The following CAMKMT variants were observed in gnomAD, a reference collection of about 807,000 sequenced individuals.
CAMKMT encodes the protein calmodulin-lysine N-methyltransferase.
CAMKMT carries 53 observed loss-of-function variants against 48.0 expected under a neutral mutation model. The ratio of observed to expected loss-of-function variants is 1.10; its 90% CI spans 0.89 to 1.39. The LOEUF (loss-of-function observed/expected upper bound fraction) is 1.39. Ranked by LOEUF, CAMKMT falls within the 40% of genes most tolerant of loss-of-function variation. CAMKMT has a pLI of 0.00. For missense variants in CAMKMT, 428 were observed against 402.7 expected (o/e 1.06, Z -0.54); for synonymous variants, 165 against 152.3 (o/e 1.08, Z -0.61).
At chr2:44,580,735 A>G (rs960635308) in intron 3 of CAMKMT, among the ~76,000 whole-genome samples, 1 of 152,214 alleles carries the variant, frequency 6.6e-6, no homozygotes, top group African/African-American at 2.4e-5. Context: ...CAGTATCATC[A>G]TGAATGTTGT....
At chr2:44,696,366 G>A (rs531494094) in intron 3 of CAMKMT, among the ~76,000 whole-genome samples, 1 of 152,314 alleles carries the variant, frequency 6.6e-6, no homozygotes, top group East Asian at 1.9e-4. Context: ...GAGTGGAGGA[G>A]TCCTAGAACT....
intron 3 of CAMKMT, among the ~76,000 whole-genome samples, chr2:44,634,990 T>G (rs143796118): frequency 1.3e-5 from 2 of 152,274 alleles, no homozygotes; most frequent in East Asian, 3.9e-4. Flanking sequence ...GGAGGATCGC[T>G]TGAGCCTGGG....
intron 3 of CAMKMT, among the ~76,000 whole-genome samples, chr2:44,420,225 C>G (rs1444196677): frequency 6.6e-6 from 1 of 152,100 alleles, no homozygotes; most frequent in Non-Finnish European, 1.5e-5. Context: ...ACATGTTAAT[C>G]TGTGTATAAT....
intron 3 of CAMKMT, among the ~76,000 whole-genome samples, chr2:44,642,666 C>A (rs895077931): frequency 2.0e-5 from 3 of 152,020 alleles, no homozygotes; most frequent in African/African-American, 7.2e-5. Context: ...TGTGCCCTGG[C>A]TGGGGTGTTG....
At chr2:44,695,234 T>C (rs970194231) in intron 3 of CAMKMT, among the ~76,000 whole-genome samples, 2 of 152,202 alleles carry the variant, frequency 1.3e-5, no homozygotes, top group Admixed American at 6.5e-5. Context: ...AAATTGCATG[T>C]CACGGAGGTC....
intron 3 of CAMKMT, among the ~76,000 whole-genome samples, chr2:44,607,256 C>T (rs1396686894): frequency 6.6e-6 from 1 of 152,154 alleles, no homozygotes. Flanking sequence ...CTCTTAAGAA[C>T]ATTTTCCTCA....
chr2:44,757,366 A>T, intron 9 of CAMKMT, among the ~76,000 whole-genome samples: 1 of 152,180 alleles, frequency 6.6e-6, no homozygotes, highest in East Asian at 1.9e-4. Context: ...CGCAGAGAGA[A>T]GGTATACATG....
intron 3 of CAMKMT, among the ~76,000 whole-genome samples, chr2:44,517,288 A>G (rs1670880270): frequency 6.6e-6 from 1 of 152,212 alleles, no homozygotes; most frequent in Non-Finnish European, 1.5e-5. Context: ...GTGTCTGGAA[A>G]CAATCTGTGT....
At chr2:44,511,434 G>GC (rs1670546826) in intron 3 of CAMKMT, among the ~76,000 whole-genome samples, 1 of 152,126 alleles carries the variant, frequency 6.6e-6, no homozygotes, top group Non-Finnish European at 1.5e-5. Context: ...GACTACAGGT[G>GC]TGCACTAACA....
At chr2:44,699,259 G>A (rs1337176703) in intron 3 of CAMKMT, among the ~76,000 whole-genome samples, 2 of 152,120 alleles carry the variant, frequency 1.3e-5, no homozygotes, top group Non-Finnish European at 2.9e-5. Flanking sequence ...ACTGTATTTG[G>A]CAGCTATATC....
At chr2:44,654,226 G>C (rs1021093959) in intron 3 of CAMKMT, among the ~76,000 whole-genome samples, 2 of 152,056 alleles carry the variant, frequency 1.3e-5, no homozygotes, top group Non-Finnish European at 2.9e-5. Flanking sequence ...TCCAGTTGTG[G>C]GGGAATGTAA....
chr2:44,604,565 T>TTTG (rs1214510151), intron 3 of CAMKMT, among the ~76,000 whole-genome samples: 11 of 151,814 alleles, frequency 7.2e-5, no homozygotes, highest in Non-Finnish European at 1.3e-4. Context: ...CTGGTTTTTT[T>TTTG]TTTTTTTTTA....
intron 3 of CAMKMT, among the ~76,000 whole-genome samples, chr2:44,486,195 G>A (rs1331650958): frequency 6.6e-6 from 1 of 152,106 alleles, no homozygotes; most frequent in Non-Finnish European, 1.5e-5. Flanking sequence ...TTGAACTCCT[G>A]GCCTCAAGTG....
intron 3 of CAMKMT, among the ~76,000 whole-genome samples, chr2:44,672,240 G>T (rs889561241): frequency 5.3e-5 from 8 of 152,170 alleles, no homozygotes; most frequent in Non-Finnish European, 1.0e-4. Context: ...TAGCAAGGAG[G>T]TCTGGTGAAT....
At chr2:44,735,265 C>T (rs1679294137) in intron 7 of CAMKMT, among the ~76,000 whole-genome samples, 1 of 152,144 alleles carries the variant, frequency 6.6e-6, no homozygotes, top group Non-Finnish European at 1.5e-5. Context: ...TATTGTAAGC[C>T]ACATGTACTT....
intron 7 of CAMKMT, among the ~76,000 whole-genome samples, chr2:44,715,965 T>C (rs949501729): frequency 2.0e-5 from 3 of 152,184 alleles, no homozygotes; most frequent in Admixed American, 2.0e-4. Context: ...TTAATTCTTA[T>C]ACAAACTAGG....
In CAMKMT at chr2:44,638,059, C is replaced by CA. The variant is rs1004353493; in HGVS notation, c.377-66211dup. ...GACCGAGCGAGACTCCATCTCAAAC[C>CA]AAAAAAAAAAAAAGAGAAAAAGAAA... On this transcript the variant is annotated intron_variant, in intron 3 of 10. Coordinates refer to ENST00000378494, the MANE Select transcript of CAMKMT (RefSeq NM_024766.5). Among the ~76,000 whole-genome samples, 158 of 58,634 alleles carry CA rather than the reference C, an allele frequency of 2.7e-3. 3 individuals carry two copies. Among genetic ancestry groups the CA allele is most frequent in the East Asian group, 0.024 (63 of 2,638 alleles). 38.5% of individuals were successfully genotyped at this position (58,634 alleles called of 152,430 possible). A position where few individuals can be genotyped will look rare whatever the true frequency, so the allele number is the denominator to read the frequency against.
chr2:44,455,427 G>A (rs1430721394), intron 3 of CAMKMT, among the ~76,000 whole-genome samples: 1 of 152,148 alleles, frequency 6.6e-6, no homozygotes, highest in African/African-American at 2.4e-5. Context: ...ACACTGTAAG[G>A]GCTTCAGGAA....
chr2:44,689,470 A>G (rs1045057063), intron 3 of CAMKMT, among the ~76,000 whole-genome samples: 1 of 151,956 alleles, frequency 6.6e-6, no homozygotes, highest in Non-Finnish European at 1.5e-5. Context: ...TCTCATCAGA[A>G]TGATGGCCTG....
Sources: gnomAD v4.1 joint callset for allele counts (sites outside exome capture counted in the v4.1 genomes callset) on GRCh38, gnomAD v4.1.1 for gene constraint, MANE v1.5 for transcripts, NCBI Gene and HGNC (gene_info 2026-07-23, HGNC 2026-07-21) for gene names.